The following PCCB variants were observed in gnomAD, a reference collection of about 807,000 sequenced individuals.
The protein encoded by PCCB is propionyl-CoA carboxylase beta chain, mitochondrial.
PCCB carries 43 observed loss-of-function variants against 60.7 expected under a neutral mutation model. The ratio of observed to expected loss-of-function variants is 0.71; its 90% CI spans 0.55 to 0.91. The LOEUF (loss-of-function observed/expected upper bound fraction) is 0.91. PCCB is among the 40% of genes least tolerant of loss of function. PCCB has a pLI of 0.00. For missense variants in PCCB, 766 were observed against 702.8 expected (o/e 1.09, Z -1.02); for synonymous variants, 276 against 255.9 (o/e 1.08, Z -0.75).
intron 8 of PCCB, 99 bp from the exon 9 acceptor site, chr3:136,300,931 C>T: frequency 1.2e-6 from 1 of 833,362 alleles, no homozygotes. Context: ...CTGGCCCAGT[C>T]CCTATGACGT....
In PCCB at chr3:136,297,988, C is replaced by G. The variant is rs774249198; in HGVS notation, c.800C>G (p.Ala267Gly). Reference protein sequence around the residue: ...AHRAFENDVDALCNLRDFFNY... With the variant: ...AHRAFENDVDGLCNLRDFFNY... ...AGAGCTTTTGAAAATGATGTTGATG[C>G]CTTGTGTAATCTCCGGGATTTCTTC... The change falls in exon 8 of 15, where the codon GCC (alanine) becomes GGC (glycine). Residue 267 changes from alanine (A) to glycine (G), a missense_variant. Physicochemically the swap from Ala to Gly is moderately conservative, Grantham distance 60. Transcript: ENST00000251654. 6.2e-7 allele frequency: 1 copy of G among 1,614,034 alleles called. No individual in the cohort carries two copies. Among genetic ancestry groups the G allele is most frequent in the Non-Finnish European group, 8.5e-7 (1 of 1,179,896 alleles).
At chr3:136,256,514 A>T in intron 2 of PCCB, 41 bp from the exon 3 acceptor site, 1 of 1,443,772 alleles carries the variant, frequency 6.9e-7, no homozygotes. Context: ...TAGAAGAAGT[A>T]TTTGGATTTT....
intron 8 of PCCB, among the ~76,000 whole-genome samples, chr3:136,299,143 C>T (rs145972540): frequency 3.6e-4 from 55 of 152,110 alleles, no homozygotes; most frequent in Admixed American, 9.8e-4. Context: ...CTGCATAGCC[C>T]GCTTTGGCCC....
Position 136,307,185 on chromosome 3 carries a change from G to A in PCCB, c.966+6074G>A, listed in dbSNP as rs748091874. On this transcript the variant is annotated intron_variant, in intron 9 of 14. Transcript: ENST00000251654. ...GAAAACCAGTTTTAAACCAAGAACC[G>A]AGGGAAGTTTGTGTTAATGAGGCTT... Among the ~76,000 whole-genome samples the A allele has an allele frequency of 4.9e-5, 6 of 122,376 alleles. 2 individuals carry two copies. The highest frequency in any genetic ancestry group is 1.1e-4 in the Non-Finnish European group (6 of 54,920). The allele number at this position is 122,376 out of a possible 152,430, so 80.3% of individuals were successfully genotyped here.
At position 136,288,432 on chromosome 3, in the gene PCCB, G is replaced by A. The variant is rs138281402; in HGVS notation, c.654+4485G>A. 5.6e-4 allele frequency among the ~76,000 whole-genome samples: 81 copies of A among 145,214 alleles called. 5 individuals are homozygous for A. The East Asian group carries it at 0.016, about 29-fold the overall frequency. On this transcript the variant is annotated intron_variant, in intron 6 of 14. Transcript: ENST00000251654. ...GTGATCTCAGCTCACTGCAACCTTC[G>A]GCTCCCAGGTTCAAGTGATCCTCCT...
At chr3:136,261,533 C>T (rs568663029) in intron 4 of PCCB, among the ~76,000 whole-genome samples, 7 of 152,190 alleles carry the variant, frequency 4.6e-5, no homozygotes, top group South Asian at 4.1e-4. Context: ...AAAGCAGGCC[C>T]GGGCCTGCCC....
chr3:136,303,840 G>A lies in PCCB; in HGVS notation c.966+2729G>A, dbSNP rs993362719. On this transcript the variant is annotated intron_variant, in intron 9 of 14. Coordinates refer to ENST00000251654, the MANE Select transcript of PCCB (RefSeq NM_000532.5). ...GCTGGTCTTGAACTTCTGACCTCAG[G>A]TGATCCACCTGCCTTGGCCCCACAA... Among the ~76,000 whole-genome samples the A allele has an allele frequency of 1.2e-4, 15 of 122,338 alleles. 4 individuals are homozygous for A. Among genetic ancestry groups the A allele is most frequent in the Non-Finnish European group, 5.5e-5 (3 of 54,880 alleles). The allele number at this position is 122,338 out of a possible 152,430, so 80.3% of individuals were successfully genotyped here.
rs1313783374 is a variant in PCCB, at chr3:136,283,889, C to G, written c.596C>G (p.Pro199Arg). The G allele has an allele frequency of 6.2e-7, 1 of 1,613,992 alleles. No individual in the cohort carries two copies. The highest frequency in any genetic ancestry group is 8.5e-7 in the Non-Finnish European group (1 of 1,179,902). ...CCTCAGATTTCTCTGATCATGGGCC[C>G]ATGTGCTGGTGGGGCCGTCTACTCC... Reference protein sequence around the residue: ...VIPQISLIMGPCAGGAVYSPA... With the variant: ...VIPQISLIMGRCAGGAVYSPA... Residue 199 changes from proline (P) to arginine (R), a missense_variant, in exon 6 of 15, where the codon CCA becomes CGA. Physicochemically the swap from Pro to Arg is moderately radical, Grantham distance 103. Transcript: ENST00000251654.
intron 10 of PCCB, among the ~76,000 whole-genome samples, chr3:136,321,415 G>A (rs1935104980): frequency 6.6e-6 from 1 of 152,230 alleles, no homozygotes; most frequent in African/African-American, 2.4e-5. Flanking sequence ...AAGGAAAGAG[G>A]TTTAATTGAC....
At chr3:136,322,219 A>G (rs552787161) in intron 10 of PCCB, among the ~76,000 whole-genome samples, 1 of 152,310 alleles carries the variant, frequency 6.6e-6, no homozygotes, top group African/African-American at 2.4e-5. Context: ...TCATATGATC[A>G]TGTGATTTTT....
intron 5 of PCCB, among the ~76,000 whole-genome samples, chr3:136,272,946 A>C (rs772198435): frequency 6.6e-6 from 1 of 152,118 alleles, no homozygotes; most frequent in Non-Finnish European, 1.5e-5. Flanking sequence ...TTTTTGATGT[A>C]TGTACTTAAA....
chr3:136,329,763 C>T (rs1047417630), intron 14 of PCCB, 142 bp from the exon 15 acceptor site: 31 of 863,460 alleles, frequency 3.6e-5, no homozygotes, highest in Non-Finnish European at 5.7e-5. Flanking sequence ...AGGGGGAATT[C>T]ACAGGGCCTA....
rs766168941 is a variant in PCCB, at chr3:136,255,879, G to A, written c.207G>A (p.Arg69=). ...AGGGAAAGCTAACAGCCAGGGAGAG[G>A]ATCAGTCTCTTGCTGGACCCTGGCA... ...HKRGKLTARE[R]ISLLLDPGSF... The change falls in exon 2 of 15, where the codon AGG becomes AGA. Residue 69 remains arginine, a synonymous_variant. Transcript: ENST00000251654. 6.2e-7 allele frequency: 1 copy of A among 1,613,988 alleles called. No homozygotes were observed.
chr3:136,327,289 TC>T, intron 12 of PCCB, 34 bp downstream of exon 12: 1 of 1,525,528 alleles, frequency 6.6e-7, no homozygotes, highest in Non-Finnish European at 9.1e-7. Flanking sequence ...ATGACCCTGC[TC>T]ACTTTCCTAC....
At chr3:136,319,379 A>G (rs1935028325) in intron 10 of PCCB, among the ~76,000 whole-genome samples, 1 of 147,346 alleles carries the variant, frequency 6.8e-6, no homozygotes, top group Admixed American at 6.7e-5. Context: ...ATGTCTTTTG[A>G]TACACAATTT....
chr3:136,299,486 A>G (rs982248567), intron 8 of PCCB, among the ~76,000 whole-genome samples: 1 of 150,510 alleles, frequency 6.6e-6, no homozygotes, highest in Non-Finnish European at 1.5e-5. Flanking sequence ...ATGTGTATGT[A>G]TGTATATGCA....
At chr3:136,315,727 C>G (rs1267742519) in intron 9 of PCCB, among the ~76,000 whole-genome samples, 1 of 150,978 alleles carries the variant, frequency 6.6e-6, no homozygotes, top group Non-Finnish European at 1.5e-5. Context: ...ACTTGGGAGG[C>G]TGAGGTGAGA....
chr3:136,327,295 T>G (rs781489165), intron 12 of PCCB, 40 bp downstream of exon 12: 6 of 1,478,070 alleles, frequency 4.1e-6, no homozygotes, highest in South Asian at 3.4e-5. Flanking sequence ...CTGCTCACTT[T>G]CCTACAGCAT....
chr3:136,267,282 C>CTCAAGCAA (rs1206528349), intron 5 of PCCB, among the ~76,000 whole-genome samples: 1 of 152,122 alleles, frequency 6.6e-6, no homozygotes, highest in Non-Finnish European at 1.5e-5. Context: ...GAACTCTGGG[C>CTCAAGCAA]TCAAGCAATC....
Sources: allele counts gnomAD v4.1 joint callset (sites outside exome capture counted in the v4.1 genomes callset), GRCh38; gene constraint gnomAD v4.1.1; transcripts MANE v1.5; gene names NCBI Gene and HGNC (gene_info 2026-07-23, HGNC 2026-07-21).